The following UTRN variants were observed in gnomAD, a reference collection of about 807,000 sequenced individuals.
The protein encoded by UTRN is dystrophin-related protein 1.
UTRN carries 283 observed loss-of-function variants against 463.9 expected under a neutral mutation model. That is an observed-to-expected ratio of 0.61 (90% CI 0.55 to 0.67). The LOEUF is 0.67. UTRN is among the 30% of genes least tolerant of loss of function. The pLI, the probability that UTRN is intolerant of heterozygous loss-of-function variation, is 0.00. For synonymous variants in UTRN, 1,442 were observed against 1,431.5 expected, an observed-to-expected ratio of 1.01 and a Z score of -0.17; for missense variants, 3,922 against 4,084.3, an observed-to-expected ratio of 0.96 and a Z score of 1.08.
At chr6:144,399,375 A>G (rs1278015802) in intron 2 of UTRN, among the ~76,000 whole-genome samples, 1 of 152,210 alleles carries the variant, frequency 6.6e-6, no homozygotes, top group Admixed American at 6.5e-5. Context: ...AGAAATGAGA[A>G]TATGATCTGA....
At chr6:144,352,324 G>A (rs1282771789) in intron 2 of UTRN, among the ~76,000 whole-genome samples, 1 of 152,108 alleles carries the variant, frequency 6.6e-6, no homozygotes, top group African/African-American at 2.4e-5. Context: ...GGGGATAGAG[G>A]AGAAATAAAC....
chr6:144,444,455 T>C (rs1787472309), intron 14 of UTRN, 73 bp downstream of exon 14: 1 of 1,148,350 alleles, frequency 8.7e-7, no homozygotes, highest in Non-Finnish European at 1.2e-6. Flanking sequence ...GACTTTAGAA[T>C]AAAGTTGCCT....
intron 34 of UTRN, among the ~76,000 whole-genome samples, chr6:144,509,703 ATTTTCAATGCAAAGC>A (rs1170113199): frequency 6.6e-6 from 1 of 152,134 alleles, no homozygotes; most frequent in Non-Finnish European, 1.5e-5. Flanking sequence ...ATGTAAAATT[ATTTTCAATGCAAAGC>A]TTAAATAAAT....
At chr6:144,794,163 A>ACC (rs1334164479) in intron 63 of UTRN, among the ~76,000 whole-genome samples, 172 bp downstream of exon 63, 1 of 152,172 alleles carries the variant, frequency 6.6e-6, no homozygotes, top group Admixed American at 6.5e-5. Flanking sequence ...AAAAATAGCA[A>ACC]CCCTTGCAAA....
intron 3 of UTRN, among the ~76,000 whole-genome samples, chr6:144,418,117 C>G (rs980501055): frequency 2.0e-5 from 3 of 152,150 alleles, no homozygotes; most frequent in East Asian, 3.9e-4. Context: ...GGCCAAGTAA[C>G]TTGCCCAAAA....
chr6:144,403,740 T>C (rs1783130316), intron 3 of UTRN, among the ~76,000 whole-genome samples: 2 of 152,140 alleles, frequency 1.3e-5, no homozygotes, highest in Non-Finnish European at 1.5e-5. Flanking sequence ...CTTTGAGCAA[T>C]ATTTTTTCAT....
intron 73 of UTRN, among the ~76,000 whole-genome samples, chr6:144,841,768 C>A (rs566120278): frequency 1.3e-5 from 2 of 152,066 alleles, no homozygotes; most frequent in African/African-American, 2.4e-5. Context: ...AATAAGAATT[C>A]ATGTAAAGCA....
At chr6:144,420,794 C>T (rs1355139133) in intron 3 of UTRN, among the ~76,000 whole-genome samples, 1 of 152,180 alleles carries the variant, frequency 6.6e-6, no homozygotes, top group Non-Finnish European at 1.5e-5. Flanking sequence ...GACATTGTCA[C>T]ACTGTGATGT....
chr6:144,635,067 G>A (rs746075772), intron 51 of UTRN, among the ~76,000 whole-genome samples: 2 of 151,180 alleles, frequency 1.3e-5, no homozygotes, highest in Non-Finnish European at 2.9e-5. Context: ...TGTATATATG[G>A]GAATATTGTC....
intron 51 of UTRN, among the ~76,000 whole-genome samples, chr6:144,636,079 G>A (rs908192753): frequency 1.3e-5 from 2 of 152,028 alleles, no homozygotes; most frequent in African/African-American, 4.8e-5. Flanking sequence ...AATTTTTAAG[G>A]TATAGTATGT....
At chr6:144,614,877 A>G (rs972604692) in intron 51 of UTRN, among the ~76,000 whole-genome samples, 19 of 152,254 alleles carry the variant, frequency 1.2e-4, no homozygotes, top group African/African-American at 4.1e-4. Flanking sequence ...AGAAGTTTAG[A>G]AGCAATTCCT....
intron 2 of UTRN, among the ~76,000 whole-genome samples, chr6:144,352,873 A>T (rs1017862752): frequency 1.3e-5 from 2 of 152,200 alleles, no homozygotes; most frequent in Non-Finnish European, 2.9e-5. Flanking sequence ...GGTTTGTGTT[A>T]GGAAGACTGT....
intron 2 of UTRN, among the ~76,000 whole-genome samples, chr6:144,321,579 C>T (rs1243511235): frequency 6.7e-6 from 1 of 149,526 alleles, no homozygotes. Context: ...AAGCGATTCT[C>T]CTGCCTCAGC....
intron 3 of UTRN, among the ~76,000 whole-genome samples, chr6:144,418,362 C>G (rs988627423): frequency 6.8e-6 from 1 of 147,386 alleles, no homozygotes; most frequent in African/African-American, 2.5e-5. Flanking sequence ...TACAGGCGCC[C>G]GCCACCACGC....
intron 64 of UTRN, chr6:144,799,286 A>G (rs372369269): frequency 1.7e-5 from 6 of 349,646 alleles, no homozygotes; most frequent in South Asian, 1.2e-4. Context: ...CTCTTCTCTC[A>G]TGCATTATGG....
intron 44 of UTRN, 106 bp from the exon 45 acceptor site, chr6:144,539,188 T>G: frequency 7.9e-7 from 1 of 1,272,700 alleles, no homozygotes; most frequent in Non-Finnish European, 1.1e-6. Context: ...ACTTAACAAA[T>G]TAGAAAGTTA....
Position 144,751,908 on chromosome 6 carries a change from T to A in UTRN, c.8311T>A (p.Ser2771Thr), listed in dbSNP as rs137988441. 22 of 1,611,292 alleles carry A rather than the reference T, an allele frequency of 1.4e-5. No individual in the cohort carries two copies. The African/African-American group carries it at 2.1e-4, about 16-fold the overall frequency. The change falls in exon 56 of 75, where the codon TCT (serine) becomes ACT (threonine). Residue 2771 changes from serine (S) to threonine (T), a missense_variant. Physicochemically the swap from Ser to Thr is moderately conservative, Grantham distance 58. Around this residue, in one of 3 missense-constraint regions of UTRN, gnomAD observed 1,309 missense variants for 1,452.6 expected, o/e 0.90. Transcript: ENST00000367545. ...PLDLHPSLKM[S>T]RQLDDLNMRW... is the part of the protein sequence containing the mutation. ...TGACCTGCATCCCTCTCTAAAGATGTCTCGCCAGCTAGATGACCTTAATAT... is the reference window on the plus strand; with the variant it reads ...TGACCTGCATCCCTCTCTAAAGATGACTCGCCAGCTAGATGACCTTAATAT...
chr6:144,474,770 CAACT>C lies in UTRN; in HGVS notation c.3336+12_3336+15del. 6.2e-7 allele frequency: 1 copy of C among 1,610,840 alleles called. No individual in the cohort carries two copies. The stretch of plus-strand genomic sequence containing the variant: ...AAACTTAGCAAGGAGGTGAGTTTTT[CAACT>C]TTACTACCTACGGTTTTCAGGAGAT... On this transcript the variant is annotated intron_variant, in intron 25 of 74. Coordinates refer to ENST00000367545, the MANE Select transcript of UTRN (RefSeq NM_007124.3).
chr6:144,369,191 T>C (rs1479922703), intron 2 of UTRN, among the ~76,000 whole-genome samples: 3 of 152,286 alleles, frequency 2.0e-5, no homozygotes, highest in Non-Finnish European at 4.4e-5. Flanking sequence ...TTGATTCATA[T>C]TTGTTTATTC....
Sources: gnomAD v4.1 joint callset for allele counts (sites outside exome capture counted in the v4.1 genomes callset) on GRCh38, gnomAD v4.1.1 for gene constraint, gnomAD v4.1.1 regional missense constraint, MANE v1.5 for transcripts, NCBI Gene and HGNC (gene_info 2026-07-23, HGNC 2026-07-21) for gene names.